Variants in CNTNAP4 observed in about 807,000 individuals in gnomAD.
CNTNAP4 encodes the protein contactin associated protein family member 4.
A neutral mutation model predicts 148.4 loss-of-function variants in CNTNAP4; 98 were observed. That is an observed-to-expected ratio of 0.66 (90% confidence interval 0.56 to 0.78). The LOEUF (loss-of-function observed/expected upper bound fraction) is 0.78. Among genes scored for constraint, CNTNAP4 ranks in the 30% least tolerant of loss-of-function variants. CNTNAP4 has a pLI of 0.00. For missense variants in CNTNAP4, 1,935 were observed against 1,565.6 expected, an observed-to-expected ratio of 1.24 and a Z score of -3.98; for synonymous variants, 730 against 565.1, an observed-to-expected ratio of 1.29 and a Z score of -4.14.
chr16:76,540,866 C>T, intron 21 of CNTNAP4, 76 bp downstream of exon 21: 2 of 948,184 alleles, frequency 2.1e-6, no homozygotes, highest in South Asian at 1.5e-5. Flanking sequence ...AGTCATATTA[C>T]ACACACCCAC....
Position 76,438,054 on chromosome 16 carries a change from T to C in CNTNAP4, c.539-9958T>C, listed in dbSNP as rs533434086. Among the ~76,000 whole-genome samples the C allele has an allele frequency of 4.6e-5, 7 of 152,280 alleles. No homozygotes were observed. In the South Asian group the frequency reaches 1.5e-3, roughly 32 times the overall value. ...TTCTTGGAATAAGGGAAGTAAACTT[T>C]GGGAAATCCACATTTATCTTGCTTT... On this transcript the variant is annotated intron_variant, in intron 4 of 23. Transcript: ENST00000611870.
At chr16:76,356,727 G>A (rs906544555) in intron 3 of CNTNAP4, among the ~76,000 whole-genome samples, 1 of 152,140 alleles carries the variant, frequency 6.6e-6, no homozygotes, top group Non-Finnish European at 1.5e-5. Context: ...AGATAATTTG[G>A]AAGCCTATTT....
At chr16:76,537,123 C>T (rs1386342500) in intron 18 of CNTNAP4, among the ~76,000 whole-genome samples, 1 of 152,120 alleles carries the variant, frequency 6.6e-6, no homozygotes, top group Non-Finnish European at 1.5e-5. Context: ...TCATTAAGAC[C>T]ACTTCATTAA....
At position 76,516,335 on chromosome 16, in the gene CNTNAP4, T is replaced by G. The variant is rs550604712; in HGVS notation, c.2366-4805T>G. ...GATGCGCCACATTTTCTTCACCCAG[T>G]CTATCATTGATGGGCATTTGGGTGG... On this transcript the variant is annotated intron_variant, in intron 15 of 23. Transcript: ENST00000611870. Among the ~76,000 whole-genome samples, 9 of 151,454 alleles carry G rather than the reference T, an allele frequency of 5.9e-5. No individual in the cohort carries two copies. In the East Asian group the frequency reaches 1.8e-3, roughly 30 times the overall value.
chr16:76,552,241 G>A (rs1019737652), intron 21 of CNTNAP4, among the ~76,000 whole-genome samples: 18 of 152,126 alleles, frequency 1.2e-4, no homozygotes, highest in Non-Finnish European at 1.5e-4. Flanking sequence ...CTGCCTCCAC[G>A]ATCCAATCAC....
chr16:76,308,396 C>G (rs1041216191), intron 1 of CNTNAP4, among the ~76,000 whole-genome samples: 13 of 152,116 alleles, frequency 8.5e-5, no homozygotes, highest in Admixed American at 4.6e-4. Flanking sequence ...ATATTTTATT[C>G]AATCCTAGGT....
intron 2 of CNTNAP4, among the ~76,000 whole-genome samples, chr16:76,324,886 G>A (rs980030800): frequency 5.9e-5 from 9 of 152,136 alleles, no homozygotes; most frequent in Non-Finnish European, 1.2e-4. Context: ...CCTCCCAAAG[G>A]CCCCCTCTCC....
intron 2 of CNTNAP4, among the ~76,000 whole-genome samples, chr16:76,325,490 C>T (rs1244618077): frequency 6.6e-6 from 1 of 152,012 alleles, no homozygotes; most frequent in Admixed American, 6.6e-5. Context: ...AGCTAGAAAT[C>T]ATTAATTAGA....
chr16:76,331,023 A>G (rs1274218714), intron 2 of CNTNAP4, among the ~76,000 whole-genome samples: 3 of 152,214 alleles, frequency 2.0e-5, no homozygotes, highest in Non-Finnish European at 4.4e-5. Flanking sequence ...CACATAACAT[A>G]CAATTAACCA....
At chr16:76,309,793 A>T in intron 1 of CNTNAP4, 1 of 697,080 alleles carries the variant, frequency 1.4e-6, no homozygotes, top group Non-Finnish European at 2.6e-6. Flanking sequence ...TTCTCGTGAT[A>T]GTGAGTAAGT....
intron 2 of CNTNAP4, among the ~76,000 whole-genome samples, chr16:76,343,397 CTG>C (rs1360092426): frequency 1.3e-5 from 2 of 152,106 alleles, no homozygotes; most frequent in Non-Finnish European, 2.9e-5. Context: ...TTTCCCTCTT[CTG>C]CCTCACTTGT....
Position 76,504,509 on chromosome 16 carries a change from C to T in CNTNAP4, c.2365+5815C>T, listed in dbSNP as rs141653714. 3.6e-3 allele frequency among the ~76,000 whole-genome samples: 542 copies of T among 152,116 alleles called. 2 individuals carry two copies. The highest frequency in any genetic ancestry group is 0.012 in the African/African-American group (518 of 41,540). The stretch of plus-strand genomic sequence containing the variant: ...TTAAATCTAAAACCACAAACTATAA[C>T]ACTGCTCTAAGAAAATACAAGGGAA... On this transcript the variant is annotated intron_variant, in intron 15 of 23. Coordinates refer to ENST00000611870, the MANE Select transcript of CNTNAP4 (RefSeq NM_033401.5).
intron 11 of CNTNAP4, 25 bp from the exon 12 acceptor site, chr16:76,479,394 T>A: frequency 1.3e-6 from 2 of 1,560,000 alleles, no homozygotes; most frequent in Non-Finnish European, 1.7e-6. Context: ...TGCTATTCCA[T>A]TAATGATGAT....
At chr16:76,336,196 T>C (rs1016462244) in intron 2 of CNTNAP4, among the ~76,000 whole-genome samples, 3 of 152,124 alleles carry the variant, frequency 2.0e-5, no homozygotes, top group African/African-American at 7.2e-5. Context: ...TTAGATTGGG[T>C]TGGGAAAAAA....
At chr16:76,542,451 C>G (rs1156834764) in intron 21 of CNTNAP4, among the ~76,000 whole-genome samples, 1 of 152,148 alleles carries the variant, frequency 6.6e-6, no homozygotes, top group Non-Finnish European at 1.5e-5. Flanking sequence ...AACAAACAAG[C>G]AGCAACAAAA....
intron 17 of CNTNAP4, among the ~76,000 whole-genome samples, chr16:76,528,134 T>TA (rs1416157301): frequency 6.6e-6 from 1 of 152,228 alleles, no homozygotes; most frequent in Non-Finnish European, 1.5e-5. Context: ...ATACTGTGCT[T>TA]AACACTTTAC....
chr16:76,355,935 C>T (rs1273574863), intron 3 of CNTNAP4, among the ~76,000 whole-genome samples: 1 of 151,406 alleles, frequency 6.6e-6, no homozygotes, highest in South Asian at 2.1e-4. Flanking sequence ...GTTGCAGTGG[C>T]GCGATCTTGG....
At chr16:76,538,362 G>T in intron 19 of CNTNAP4, 22 bp downstream of exon 19, 1 of 1,530,180 alleles carries the variant, frequency 6.5e-7, no homozygotes, top group Non-Finnish European at 9.0e-7. Flanking sequence ...TTAGATGAGA[G>T]AGAGAAAATT....
intron 12 of CNTNAP4, among the ~76,000 whole-genome samples, chr16:76,486,404 A>G (rs926110478): frequency 4.6e-5 from 7 of 152,238 alleles, no homozygotes; most frequent in African/African-American, 1.7e-4. Flanking sequence ...CATTAGGAAC[A>G]CAGAAACAAA....
Sources: allele counts gnomAD v4.1 joint callset (sites outside exome capture counted in the v4.1 genomes callset), GRCh38; gene constraint gnomAD v4.1.1; transcripts MANE v1.5; gene names NCBI Gene and HGNC (gene_info 2026-07-23, HGNC 2026-07-21).